RNF6: variants seen among roughly 807,000 people sequenced by gnomAD.
RNF6 encodes ring finger protein 6, also known as E3 ubiquitin-protein ligase RNF6.
Under a neutral mutation model 50.1 loss-of-function variants are expected in RNF6, and 21 were observed. The observed-to-expected ratio is 0.42, with a 90% confidence interval of 0.30 to 0.60. The LOEUF (loss-of-function observed/expected upper bound fraction) is 0.60. Among genes scored for constraint, RNF6 ranks in the 20% least tolerant of loss-of-function variants. The pLI, the probability that RNF6 is intolerant of heterozygous loss-of-function variation, is 0.20. For missense variants in RNF6, 698 were observed against 838.2 expected (o/e 0.83, Z 2.07); for synonymous variants, 255 against 291.8 (o/e 0.87, Z 1.29).
At chr13:26,195,609 C>T (rs1161018815) in intron 5 of RNF6, among the ~76,000 whole-genome samples, 2 of 152,138 alleles carry the variant, frequency 1.3e-5, no homozygotes, top group Non-Finnish European at 2.9e-5. Context: ...CATTTTCAAA[C>T]TACAGAAAAT....
intron 5 of RNF6, among the ~76,000 whole-genome samples, chr13:26,161,112 C>G (rs1187258791): frequency 6.6e-6 from 1 of 152,136 alleles, no homozygotes; most frequent in Non-Finnish European, 1.5e-5. Context: ...TTTGAAATGT[C>G]ATTTTATTAA....
chr13:26,164,999 A>G (rs1872378589), intron 5 of RNF6, among the ~76,000 whole-genome samples: 1 of 152,176 alleles, frequency 6.6e-6, no homozygotes, highest in Non-Finnish European at 1.5e-5. Flanking sequence ...AATGGGGAAA[A>G]TGTCTCCAGG....
intron 5 of RNF6, among the ~76,000 whole-genome samples, chr13:26,159,095 T>G (rs901859480): frequency 1.3e-3 from 2 of 1,598 alleles, no homozygotes; most frequent in Non-Finnish European, 2.7e-3. Flanking sequence ...AAGCTGTAAA[T>G]TTTAACAAAA....
In RNF6 at chr13:26,182,543, G is replaced by A. The variant is rs551957104; in HGVS notation, n.768+32931C>T. ...ACAAAGAATCTGTGGCTGGGCATGC[G>A]GGCTTATGCCTGTAATCCCAGCACT... On this transcript the variant is annotated intron_variant and non_coding_transcript_variant, in intron 5 of 5. Coordinates refer to the RNF6 transcript ENST00000468480. Among the ~76,000 whole-genome samples the A allele has an allele frequency of 7.8e-4, 118 of 152,228 alleles. 1 individual carries two copies. Among genetic ancestry groups the A allele is most frequent in the African/African-American group, 2.5e-3 (104 of 41,536 alleles).
chr13:26,172,390 A>G (rs946822691), intron 5 of RNF6, among the ~76,000 whole-genome samples: 5 of 152,244 alleles, frequency 3.3e-5, no homozygotes, highest in Non-Finnish European at 5.9e-5. Flanking sequence ...CATTGGTGAC[A>G]TCTTAACATC....
intron 5 of RNF6, among the ~76,000 whole-genome samples, chr13:26,139,347 C>T (rs61944945): frequency 1.6e-4 from 25 of 152,098 alleles, no homozygotes; most frequent in Non-Finnish European, 3.1e-4. Flanking sequence ...TTATGGAAAC[C>T]CCAATAAATG....
chr13:26,182,360 C>CA (rs1873283075), intron 5 of RNF6, among the ~76,000 whole-genome samples: 1 of 92,496 alleles, frequency 1.1e-5, no homozygotes, highest in Non-Finnish European at 2.3e-5. Flanking sequence ...TTAAATTTGG[C>CA]AAAAATGTTA....
At chr13:26,189,155 T>C (rs1376576431) in intron 5 of RNF6, among the ~76,000 whole-genome samples, 1 of 151,950 alleles carries the variant, frequency 6.6e-6, no homozygotes, top group African/African-American at 2.4e-5. Flanking sequence ...ATGGTGAAAC[T>C]ATGTCTCTAC....
At chr13:26,134,421 G>C (rs974082078) in intron 5 of RNF6, among the ~76,000 whole-genome samples, 1 of 152,186 alleles carries the variant, frequency 6.6e-6, no homozygotes, top group Non-Finnish European at 1.5e-5. Flanking sequence ...TTGTTAAGTT[G>C]CTCCTTTCCT....
Position 26,215,127 on chromosome 13 carries a change from C to A in RNF6, c.755G>T (p.Arg252Leu). ...GTTTGTGTGACTACTGAAATTAGTG[C>A]GTGAAGCGTTAGCTCGAGGAATGCC... ...AAGIPRANAS[R>L]TNFSSHTNQS... The change falls in exon 5 of 5, where the codon CGC (arginine) becomes CTC (leucine). Residue 252 changes from arginine (R) to leucine (L), a missense_variant. Coordinates refer to ENST00000381588, the MANE Select transcript of RNF6 (RefSeq NM_005977.4). 1 of 1,614,170 alleles carries A rather than the reference C, an allele frequency of 6.2e-7. No homozygotes were observed. Among genetic ancestry groups the A allele is most frequent in the South Asian group, 1.1e-5 (1 of 91,086 alleles).
intron 5 of RNF6, among the ~76,000 whole-genome samples, chr13:26,172,826 A>G (rs1872766417): frequency 6.6e-6 from 1 of 152,184 alleles, no homozygotes; most frequent in African/African-American, 2.4e-5. Context: ...TACAGGCGTG[A>G]GCCACCGCAC....
intron 5 of RNF6, among the ~76,000 whole-genome samples, chr13:26,193,791 TG>T (rs1485436669): frequency 6.6e-6 from 1 of 152,208 alleles, no homozygotes; most frequent in East Asian, 1.9e-4. Flanking sequence ...GGTTGAAGAA[TG>T]GTTGATTGAA....
intron 5 of RNF6, among the ~76,000 whole-genome samples, chr13:26,189,153 A>G (rs983382582): frequency 6.6e-6 from 1 of 152,032 alleles, no homozygotes; most frequent in African/African-American, 2.4e-5. Flanking sequence ...ACATGGTGAA[A>G]CTATGTCTCT....
chr13:26,203,823 A>AT (rs1474396748), intron 5 of RNF6, among the ~76,000 whole-genome samples: 1 of 152,200 alleles, frequency 6.6e-6, no homozygotes, highest in Admixed American at 6.5e-5. Flanking sequence ...TTAGCCGGGC[A>AT]TGGAGGCAGG....
chr13:26,178,410 C>T (rs978604173), intron 5 of RNF6, among the ~76,000 whole-genome samples: 1 of 150,058 alleles, frequency 6.7e-6, no homozygotes, highest in South Asian at 2.1e-4. Flanking sequence ...GCATTAGTCC[C>T]ATTCATGAGG....
At chr13:26,172,449 GA>G (rs1366741209) in intron 5 of RNF6, among the ~76,000 whole-genome samples, 2 of 152,062 alleles carry the variant, frequency 1.3e-5, no homozygotes, top group Admixed American at 1.3e-4. Flanking sequence ...CACAAACCAT[GA>G]AGGAAAATAC....
chr13:26,193,689 T>C (rs1007469560), intron 5 of RNF6, among the ~76,000 whole-genome samples: 1 of 152,176 alleles, frequency 6.6e-6, no homozygotes, highest in African/African-American at 2.4e-5. Flanking sequence ...GTTTTTAAAA[T>C]ACCCTTGCAT....
chr13:26,214,201 G>C lies in RNF6; in HGVS notation c.1681C>G (p.Arg561Gly), dbSNP rs140801203. 4.7e-5 allele frequency: 76 copies of C among 1,614,148 alleles called. No individual in the cohort carries two copies. The African/African-American group carries it at 9.1e-4, about 19-fold the overall frequency. Reference sequence around the variant, plus strand: ...CTGCCACCCCTACTGTCACTGTTTCGAGTATGAGGCTGGGTGGTCTCGTTT... The same window carrying C: ...CTGCCACCCCTACTGTCACTGTTTCCAGTATGAGGCTGGGTGGTCTCGTTT... Reference protein sequence around the residue: ...GENETTQPHTRNSDSRGGRQL... With the variant: ...GENETTQPHTGNSDSRGGRQL... Residue 561 changes from arginine to glycine, a missense_variant, in exon 5 of 5, where the codon CGA becomes GGA. Arg to Gly is a moderately radical substitution (Grantham distance 125). Coordinates refer to ENST00000381588, the MANE Select transcript of RNF6 (RefSeq NM_005977.4).
intron 5 of RNF6, among the ~76,000 whole-genome samples, chr13:26,175,494 G>A (rs2137644741): frequency 6.6e-6 from 1 of 152,240 alleles, no homozygotes; most frequent in East Asian, 1.9e-4. Flanking sequence ...TGACCTACTG[G>A]GTACCTGCAG....
Sources: allele counts gnomAD v4.1 joint callset (sites outside exome capture counted in the v4.1 genomes callset), GRCh38; gene constraint gnomAD v4.1.1; transcripts MANE v1.5; gene names NCBI Gene and HGNC (gene_info 2026-07-23, HGNC 2026-07-21).